The following CNOT4 variants were observed in gnomAD, a reference collection of about 807,000 sequenced individuals.
The protein encoded by CNOT4 is CCR4-NOT transcription complex subunit 4, also known as CCR4-associated factor 4.
In CNOT4, 8 loss-of-function variants were observed where a neutral mutation model predicts 73.8. That is an observed-to-expected ratio of 0.11 (90% CI 0.06 to 0.20). The LOEUF is 0.20. Among genes scored for constraint, CNOT4 ranks in the 10% least tolerant of loss-of-function variants. The pLI, the probability that CNOT4 is intolerant of heterozygous loss-of-function variation, is 1.00. For synonymous variants in CNOT4, 293 were observed against 321.1 expected, an observed-to-expected ratio of 0.91 and a Z score of 0.94; for missense variants, 564 against 883.4, an observed-to-expected ratio of 0.64 and a Z score of 4.58.
chr7:135,485,032 T>C (rs1021453856), intron 1 of CNOT4, among the ~76,000 whole-genome samples: 2 of 152,170 alleles, frequency 1.3e-5, no homozygotes, highest in Admixed American at 6.6e-5. Context: ...AATTGATGTA[T>C]AGTATAATGC....
intron 1 of CNOT4, among the ~76,000 whole-genome samples, chr7:135,481,849 A>G (rs2129487262): frequency 6.6e-6 from 1 of 152,338 alleles, no homozygotes; most frequent in South Asian, 2.1e-4. Flanking sequence ...CAAATACTGC[A>G]TGTTCTCACT....
intron 10 of CNOT4, among the ~76,000 whole-genome samples, chr7:135,383,205 T>C (rs769131908): frequency 8.5e-5 from 13 of 152,166 alleles, no homozygotes; most frequent in Non-Finnish European, 1.5e-4. Flanking sequence ...TTTCCCTTCA[T>C]AGGTGGAAGC....
At chr7:135,367,927 T>C (rs1340286497) in intron 10 of CNOT4, among the ~76,000 whole-genome samples, 1 of 152,206 alleles carries the variant, frequency 6.6e-6, no homozygotes, top group African/African-American at 2.4e-5. Context: ...TGAGTGTTTA[T>C]TCTTAAGGAA....
At chr7:135,424,768 G>A (rs1342771646) in intron 2 of CNOT4, among the ~76,000 whole-genome samples, 2 of 152,038 alleles carry the variant, frequency 1.3e-5, no homozygotes, top group East Asian at 1.9e-4. Context: ...CAGCCTGGGC[G>A]ACAGAGCCAG....
chr7:135,410,519 C>T lies in CNOT4; in HGVS notation c.817G>A (p.Asp273Asn), dbSNP rs987744242. ...KNKVTPLQRY[D>N]TPIDKPSDSL... ...ACTATCAATATCAATACTTACGTAT[C>T]GTACCTCTGCAGTGGTGTCACTTTG... Residue 273 changes from aspartate (D) to asparagine (N), a missense_variant, in exon 7 of 12, where the codon GAT becomes AAT. Asp to Asn is a conservative substitution (Grantham distance 23). Transcript: ENST00000541284. The T allele has an allele frequency of 2.3e-5, 35 of 1,512,186 alleles. No homozygotes were observed. The highest frequency in any genetic ancestry group is 2.9e-5 in the Non-Finnish European group (33 of 1,121,340). The allele number at this position is 1,512,186 out of a possible 1,614,324, so 93.7% of individuals were successfully genotyped here.
intron 7 of CNOT4, among the ~76,000 whole-genome samples, chr7:135,410,219 T>A (rs921817247): frequency 3.9e-5 from 6 of 152,130 alleles, no homozygotes; most frequent in Non-Finnish European, 8.8e-5. Flanking sequence ...TTTTAAAACC[T>A]AAAATCCCTT....
intron 1 of CNOT4, among the ~76,000 whole-genome samples, chr7:135,473,574 C>T (rs546289333): frequency 2.0e-5 from 3 of 152,214 alleles, no homozygotes; most frequent in African/African-American, 7.2e-5. Context: ...TGGCATAATC[C>T]TGTGTCTACA....
chr7:135,397,607 C>CAA lies in CNOT4; in HGVS notation c.879+560_879+561dup, dbSNP rs11381422. On this transcript the variant is annotated intron_variant, in intron 8 of 11. Coordinates refer to ENST00000541284, the MANE Select transcript of CNOT4 (RefSeq NM_001190850.2). ...GAAACTCAAGGAGTGAAAAACTAGC[C>CAA]AAAAAAAAAAAAAAGTTCCCTGAGC... Among the ~76,000 whole-genome samples the CAA allele has an allele frequency of 1.4e-3, 178 of 131,190 alleles. 1 individual carries two copies. The highest frequency in any genetic ancestry group is 3.5e-3 in the African/African-American group (122 of 34,912). The allele number at this position is 131,190 out of a possible 152,430, so 86.1% of individuals were successfully genotyped here.
At chr7:135,454,596 C>T (rs1240353573) in intron 1 of CNOT4, among the ~76,000 whole-genome samples, 1 of 151,818 alleles carries the variant, frequency 6.6e-6, no homozygotes, top group Non-Finnish European at 1.5e-5. Flanking sequence ...ATCACTTGAG[C>T]CTGGGAAGTG....
At chr7:135,452,757 G>T (rs1800255341) in intron 1 of CNOT4, among the ~76,000 whole-genome samples, 1 of 152,142 alleles carries the variant, frequency 6.6e-6, no homozygotes, top group East Asian at 1.9e-4. Flanking sequence ...ATAGAGTGAT[G>T]AGATGAAAAA....
intron 1 of CNOT4, among the ~76,000 whole-genome samples, chr7:135,458,930 A>G (rs1302958057): frequency 2.0e-5 from 3 of 152,040 alleles, no homozygotes; most frequent in Non-Finnish European, 2.9e-5. Context: ...TCAATCAGGG[A>G]TGTTATTAAT....
At chr7:135,453,675 TAAAC>T (rs1800314606) in intron 1 of CNOT4, among the ~76,000 whole-genome samples, 1 of 150,172 alleles carries the variant, frequency 6.7e-6, no homozygotes, top group Admixed American at 6.7e-5. Context: ...TTTGAAAATT[TAAAC>T]AAAAATAAAA....
intron 10 of CNOT4, among the ~76,000 whole-genome samples, chr7:135,376,286 A>T (rs1795515413): frequency 6.6e-6 from 1 of 152,120 alleles, no homozygotes; most frequent in South Asian, 2.1e-4. Flanking sequence ...TCTACTCTGT[A>T]CCATTTTCTC....
chr7:135,370,128 A>G (rs1037141087), intron 10 of CNOT4, among the ~76,000 whole-genome samples: 2 of 152,240 alleles, frequency 1.3e-5, no homozygotes, highest in Admixed American at 1.3e-4. Flanking sequence ...TATGTTTATT[A>G]TAATGCAAGA....
At chr7:135,444,534 C>A in intron 1 of CNOT4, 4 of 1,216,908 alleles carry the variant, frequency 3.3e-6, no homozygotes, top group Non-Finnish European at 4.9e-6. Context: ...AGTGGTCAGA[C>A]CTGCTTATAT....
intron 1 of CNOT4, among the ~76,000 whole-genome samples, chr7:135,476,210 C>G (rs1801984527): frequency 6.6e-6 from 1 of 152,132 alleles, no homozygotes; most frequent in African/African-American, 2.4e-5. Flanking sequence ...GGGCTGTTAT[C>G]TTCAACGAAA....
At chr7:135,405,925 C>A (rs1378056009) in intron 7 of CNOT4, among the ~76,000 whole-genome samples, 1 of 152,064 alleles carries the variant, frequency 6.6e-6, no homozygotes, top group Non-Finnish European at 1.5e-5. Flanking sequence ...AAACTGCTAC[C>A]CACTATCTAG....
chr7:135,509,584 G>T, intron 1 of CNOT4: 1 of 153,662 alleles, frequency 6.5e-6, no homozygotes, highest in Non-Finnish European at 1.4e-5. Context: ...GAAAATGCAG[G>T]GGGAAAAGCT....
At chr7:135,378,354 A>C (rs762638005) in intron 10 of CNOT4, among the ~76,000 whole-genome samples, 1 of 152,046 alleles carries the variant, frequency 6.6e-6, no homozygotes, top group Admixed American at 6.6e-5. Flanking sequence ...AAATACAAAA[A>C]TTAGCCAGGC....
Sources: gnomAD v4.1 joint callset for allele counts (sites outside exome capture counted in the v4.1 genomes callset) on GRCh38, gnomAD v4.1.1 for gene constraint, MANE v1.5 for transcripts, NCBI Gene and HGNC (gene_info 2026-07-23, HGNC 2026-07-21) for gene names.